The following COA1 variants were observed in gnomAD, a reference collection of about 807,000 sequenced individuals.
The protein encoded by COA1 is cytochrome c oxidase assembly factor 1.
A neutral mutation model predicts 16.0 loss-of-function variants in COA1; 13 were observed. The observed-to-expected ratio is 0.81, with a 90% confidence interval of 0.53 to 1.29. The LOEUF (loss-of-function observed/expected upper bound fraction) is 1.29, where lower values mean the gene tolerates loss of function less well. COA1 is among the 50% of genes most tolerant of loss of function. The pLI, the probability that COA1 is intolerant of heterozygous loss-of-function variation, is 0.00. For missense variants in COA1, 179 were observed against 177.0 expected, an observed-to-expected ratio of 1.01 and a Z score of -0.06; for synonymous variants, 65 against 65.7, an observed-to-expected ratio of 0.99 and a Z score of 0.05.
intron 1 of COA1, among the ~76,000 whole-genome samples, chr7:43,664,127 G>GAGAGAGAGAGAGAGAGAGAGAT (rs1231238244): frequency 1.3e-5 from 2 of 150,670 alleles, no homozygotes; most frequent in African/African-American, 4.9e-5. Flanking sequence ...GAGAGAGAGA[G>GAGAGAGAGAGAGAGAGAGAGAT]AGAGTCTTGC....
intron 1 of COA1, among the ~76,000 whole-genome samples, chr7:43,690,783 T>C (rs1310666901): frequency 1.3e-5 from 2 of 152,152 alleles, no homozygotes; most frequent in Admixed American, 6.5e-5. Flanking sequence ...GCAAGACTCA[T>C]TGATACACTG....
At chr7:43,718,667 A>G (rs2095443221) in intron 1 of COA1, among the ~76,000 whole-genome samples, 1 of 152,144 alleles carries the variant, frequency 6.6e-6, no homozygotes. Flanking sequence ...CTTAGCAACA[A>G]TTATCCAATC....
chr7:43,675,974 C>T (rs975665918), intron 1 of COA1, among the ~76,000 whole-genome samples: 2 of 152,144 alleles, frequency 1.3e-5, no homozygotes, highest in African/African-American at 4.8e-5. Flanking sequence ...TAACAGACCC[C>T]TAAAAATTAC....
intron 1 of COA1, chr7:43,650,396 GAAGAA>G (rs1429038314): frequency 3.3e-5 from 5 of 152,128 alleles, no homozygotes; most frequent in African/African-American, 1.2e-4. Context: ...ACATACTTTA[GAAGAA>G]AAGAAAATAG....
chr7:43,647,176 C>T (rs1326429133), intron 3 of COA1: 1 of 306,818 alleles, frequency 3.3e-6, no homozygotes, highest in Non-Finnish European at 6.0e-6. Context: ...GGACGCACAG[C>T]CACAGCTTTC....
chr7:43,668,225 G>T (rs1262886249), intron 1 of COA1, among the ~76,000 whole-genome samples: 1 of 152,150 alleles, frequency 6.6e-6, no homozygotes, highest in Non-Finnish European at 1.5e-5. Flanking sequence ...CTTTCTAACA[G>T]GTCCAGCAGC....
In COA1 at chr7:43,727,255, C is replaced by T. The variant is rs185529357; in HGVS notation, c.-39+2174G>A. Among the ~76,000 whole-genome samples, 84 of 152,266 alleles carry T rather than the reference C, an allele frequency of 5.5e-4. 1 individual carries two copies. In the East Asian group the frequency reaches 0.014, roughly 25 times the overall value. On this transcript the variant is annotated intron_variant, in intron 1 of 5. Transcript: ENST00000223336. ...GGAGTGAGAAATCAAAACCCTAATA[C>T]ACTACTGGTGCGAATGTTAAAAAGA...
chr7:43,671,271 T>C (rs1018696604), intron 1 of COA1, among the ~76,000 whole-genome samples: 2 of 150,190 alleles, frequency 1.3e-5, no homozygotes, highest in Non-Finnish European at 3.0e-5. Context: ...AAAAAACAAA[T>C]AGATAAATTG....
At position 43,651,153 on chromosome 7, in the gene COA1, G is replaced by A. The variant is rs543286718; in HGVS notation, c.-38-2501C>T. The stretch of plus-strand genomic sequence containing the variant: ...GCACGAATATTACCTCTTAGAACTA[G>A]TCTTCTAGTAAGAAGTGAAAATTTA... On this transcript the variant is annotated intron_variant, in intron 1 of 5. Coordinates refer to ENST00000223336, the MANE Select transcript of COA1 (RefSeq NM_018224.4). Among the ~76,000 whole-genome samples, 18 of 152,360 alleles carry A rather than the reference G, an allele frequency of 1.2e-4. No individual in the cohort carries two copies. In the South Asian group the frequency reaches 3.7e-3, roughly 32 times the overall value.
intron 6 of COA1, among the ~76,000 whole-genome samples, chr7:43,627,004 A>T (rs992275658): frequency 6.6e-6 from 1 of 151,560 alleles, no homozygotes; most frequent in Non-Finnish European, 1.5e-5. Context: ...AAAATCTATT[A>T]ATAACTGCCA....
At chr7:43,703,316 T>C (rs1311321520) in intron 1 of COA1, among the ~76,000 whole-genome samples, 3 of 152,182 alleles carry the variant, frequency 2.0e-5, no homozygotes, top group South Asian at 4.1e-4. Flanking sequence ...TCTGTTTTTG[T>C]TGGGTGAAGT....
chr7:43,661,585 C>T (rs2092431468), intron 1 of COA1, among the ~76,000 whole-genome samples: 1 of 149,636 alleles, frequency 6.7e-6, no homozygotes, highest in Non-Finnish European at 1.5e-5. Context: ...CAGTGTGAGC[C>T]GAGATCGCGC....
chr7:43,667,855 T>G (rs970971792), intron 1 of COA1, among the ~76,000 whole-genome samples: 4 of 152,222 alleles, frequency 2.6e-5, no homozygotes, highest in African/African-American at 7.2e-5. Context: ...AAACTTATTT[T>G]AACTATTTAT....
At chr7:43,610,793 AT>A (rs1199832002) in intron 6 of COA1, among the ~76,000 whole-genome samples, 2 of 152,004 alleles carry the variant, frequency 1.3e-5, no homozygotes, top group Non-Finnish European at 2.9e-5. Flanking sequence ...TAACTGCTTA[AT>A]TTTTATTGCA....
intron 1 of COA1, among the ~76,000 whole-genome samples, chr7:43,679,264 CAAAAAAAA>C (rs10618048): frequency 9.5e-5 from 8 of 84,096 alleles, no homozygotes; most frequent in Non-Finnish European, 6.7e-5. Context: ...AACTCCATTG[CAAAAAAAA>C]AAAAAAAAAA....
Position 43,676,350 on chromosome 7 carries a change from G to C in COA1, c.-38-27698C>G, listed in dbSNP as rs186214949. 2.8e-3 allele frequency among the ~76,000 whole-genome samples: 424 copies of C among 152,220 alleles called. 2 individuals carry two copies. Among genetic ancestry groups the C allele is most frequent in the African/African-American group, 9.5e-3 (393 of 41,556 alleles). On this transcript the variant is annotated intron_variant, in intron 1 of 5. Coordinates refer to ENST00000223336, the MANE Select transcript of COA1 (RefSeq NM_018224.4). ...ATAGCCAAGATATGGAATCAACCTA[G>C]TGTCCAACAACAGAATAATGGGTAA...
chr7:43,642,951 A>G (rs1056335220), intron 4 of COA1, among the ~76,000 whole-genome samples: 1 of 152,238 alleles, frequency 6.6e-6, no homozygotes, highest in Non-Finnish European at 1.5e-5. Flanking sequence ...GATTATAAAG[A>G]AAGGACCCTG....
At position 43,691,421 on chromosome 7, in the gene COA1, AAAAGAAAGAAAGAAAGAAAGAAAGAAAG is replaced by A. The variant is rs375210311; in HGVS notation, c.-39+37980_-39+38007del. Among the ~76,000 whole-genome samples the A allele has an allele frequency of 2.7e-3, 238 of 87,504 alleles. 1 individual carries two copies. The highest frequency in any genetic ancestry group is 9.7e-3 in the African/African-American group (203 of 20,946). The allele number at this position is 87,504 out of a possible 152,430, so 57.4% of individuals were successfully genotyped here. On this transcript the variant is annotated intron_variant, in intron 1 of 5. Transcript: ENST00000223336. ...GAAGGAAGGAAGGAAGGAAGAAAGAAAAAGAAAGAAAGAAAGAAAGAAAGAAAGAAAGAAAGAAAGAAAGAAAGAAAGA... is the reference window on the plus strand; with the variant it reads ...GAAGGAAGGAAGGAAGGAAGAAAGAAAAAGAAAGAAAGAAAGAAAGAAAGA...
At chr7:43,650,856 C>T (rs1419860658) in intron 1 of COA1, 1 of 151,740 alleles carries the variant, frequency 6.6e-6, no homozygotes, top group African/African-American at 2.4e-5. Context: ...TACAAGCAGC[C>T]GAAAGAGTGA....
Sources: gnomAD v4.1 joint callset for allele counts (sites outside exome capture counted in the v4.1 genomes callset) on GRCh38, gnomAD v4.1.1 for gene constraint, MANE v1.5 for transcripts, NCBI Gene and HGNC (gene_info 2026-07-23, HGNC 2026-07-21) for gene names.